GGT7: variants seen among roughly 807,000 people sequenced by gnomAD.
GGT7 encodes the protein gamma-glutamyltransferase 7, also known as glutathione hydrolase 7.
In GGT7, 30 loss-of-function variants were observed where a neutral mutation model predicts 69.2. That is an observed-to-expected ratio of 0.43 (90% CI 0.32 to 0.59). GGT7 has a LOEUF of 0.59. GGT7 is among the 20% of genes least tolerant of loss of function. The pLI is 0.05. For missense variants in GGT7, 733 were observed against 901.1 expected, an observed-to-expected ratio of 0.81 and a Z score of 2.39; for synonymous variants, 388 against 391.8, an observed-to-expected ratio of 0.99 and a Z score of 0.12.
intron 10 of GGT7, 61 bp from the exon 11 acceptor site, chr20:34,852,599 T>A (rs2079417533): frequency 3.4e-6 from 5 of 1,461,200 alleles, no homozygotes; most frequent in South Asian, 2.7e-5. Context: ...CCCACCTACC[T>A]CACTTTTGTG....
At position 34,863,699 on chromosome 20, in the gene GGT7, C is replaced by A. The variant is rs576195143; in HGVS notation, c.170-151G>T. ...ACTCACCTTTCCTCATTTTCGCGTG[C>A]ACCCCAGGACAGGCGGGGCAACGGT... is the stretch of plus-strand genomic sequence containing the variant. On this transcript the variant is annotated intron_variant, in intron 1 of 14. Coordinates refer to ENST00000336431, the MANE Select transcript of GGT7 (RefSeq NM_178026.3). This position sits in a 1 kb window ranked among gnomAD's most constrained non-coding sequence, Gnocchi z 4.4. 1.4e-6 allele frequency: 1 copy of A among 727,454 alleles called. No individual in the cohort carries two copies. Among genetic ancestry groups the A allele is most frequent in the Non-Finnish European group, 2.5e-6 (1 of 395,090 alleles). The allele number at this position is 727,454 out of a possible 1,614,324, so 45.1% of individuals were successfully genotyped here. A position where few individuals can be genotyped will look rare whatever the true frequency, so the allele number is the denominator to read the frequency against.
rs540100939 is a variant in GGT7 at position 34,861,495 on chromosome 20, C to A, written c.625G>T (p.Ala209Ser). 5 of 1,548,450 alleles carry A rather than the reference C, an allele frequency of 3.2e-6. No homozygotes were observed. Among genetic ancestry groups the A allele is most frequent in the Admixed American group, 3.6e-5 (2 of 56,014 alleles). The change falls in exon 4 of 15, where the codon GCA becomes TCA. Residue 209 changes from alanine to serine, a missense_variant. Ala to Ser is a moderately conservative substitution (Grantham distance 99, BLOSUM62 1). Transcript: ENST00000336431. Reference sequence around the variant, plus strand: ...GTCTCTTCCCTGAGGGCCCCTGGTGCGGACTCCCGGAAATCAATTAGGTGG... The same window carrying A: ...GTCTCTTCCCTGAGGGCCCCTGGTGAGGACTCCCGGAAATCAATTAGGTGG... The part of the protein sequence containing the change: ...ESHLIDFRES[A>S]PGALREETLQ...
At position 34,863,422 on chromosome 20, in the gene GGT7, T is replaced by TCGGCCGCTG; in HGVS notation, c.287_295dup (p.Ala96_Ala98dup). ...GAGCCCATCCTGGCGGCAGGAGCACTCGGCCGCTGCGGCGGAGAACGGGTC... is the reference window on the plus strand; with the variant it reads ...GAGCCCATCCTGGCGGCAGGAGCACTCGGCCGCTGCGGCCGCTGCGGCGGAGAACGGGTC... On this transcript the variant is annotated inframe_insertion, in exon 2 of 15. Coordinates refer to ENST00000336431, the MANE Select transcript of GGT7 (RefSeq NM_178026.3). The surrounding 1 kb of genome is among the most constrained non-coding windows in gnomAD (Gnocchi z 4.4). The TCGGCCGCTG allele has an allele frequency of 6.2e-7, 1 of 1,613,638 alleles. No individual in the cohort carries two copies. Among genetic ancestry groups the TCGGCCGCTG allele is most frequent in the Non-Finnish European group, 8.5e-7 (1 of 1,179,958 alleles).
chr20:34,848,396 A>G (rs1300680270), intron 14 of GGT7, among the ~76,000 whole-genome samples: 1 of 152,206 alleles, frequency 6.6e-6, no homozygotes, highest in Non-Finnish European at 1.5e-5. Flanking sequence ...CCTCAGGTAG[A>G]TGAACTTTCC....
intron 10 of GGT7, among the ~76,000 whole-genome samples, chr20:34,853,340 GGTGTGTGTGTGTGTGTGTGTGT>G (rs10527077): frequency 2.0e-4 from 30 of 147,428 alleles, no homozygotes; most frequent in African/African-American, 5.2e-4. Flanking sequence ...ATTTCATATA[GGTGTGTGTGTGTGTGTGTGTGT>G]GTGTGTGTGT....
chr20:34,856,877 C>G lies in GGT7; in HGVS notation c.1031G>C (p.Gly344Ala). 6.2e-7 allele frequency: 1 copy of G among 1,608,126 alleles called. No individual in the cohort carries two copies. Among genetic ancestry groups the G allele is most frequent in the Non-Finnish European group, 8.5e-7 (1 of 1,174,886 alleles). Residue 344 changes from glycine to alanine, a missense_variant, in exon 8 of 15, where the codon GGT becomes GCT. Gly to Ala is a moderately conservative substitution (Grantham distance 60). Coordinates refer to ENST00000336431, the MANE Select transcript of GGT7 (RefSeq NM_178026.3). Reference sequence around the variant, plus strand: ...GCTGAAGTCCTCTTCGGTTATGACACCCCCTGCGTGCTGAGCCTGGAGGGA... The same window carrying G: ...GCTGAAGTCCTCTTCGGTTATGACAGCCCCTGCGTGCTGAGCCTGGAGGGA... ...EMVAEAQHAG[G>A]VITEEDFSNY...
rs534191803 is a variant in GGT7, at chr20:34,846,869, C to A, written c.1826-1378G>T. On this transcript the variant is annotated intron_variant, in intron 14 of 14. Coordinates refer to ENST00000336431, the MANE Select transcript of GGT7 (RefSeq NM_178026.3). ...AGCCACATTGACCTCCTTGCTGTCCCTTTAGAAGGCCAAACATGTTTCTAC... is the reference window on the plus strand; with the variant it reads ...AGCCACATTGACCTCCTTGCTGTCCATTTAGAAGGCCAAACATGTTTCTAC... Among the ~76,000 whole-genome samples the A allele has an allele frequency of 2.0e-5, 3 of 152,226 alleles. No individual in the cohort carries two copies. In the South Asian group the frequency reaches 6.2e-4, roughly 32 times the overall value.
intron 1 of GGT7, among the ~76,000 whole-genome samples, chr20:34,871,504 G>A (rs1012643620): frequency 6.6e-6 from 1 of 152,118 alleles, no homozygotes; most frequent in Non-Finnish European, 1.5e-5. Flanking sequence ...GACATTTGAC[G>A]CCCATAAACC....
At chr20:34,850,746 A>C (rs2079375332) in intron 13 of GGT7, 3 of 444,118 alleles carry the variant, frequency 6.8e-6, no homozygotes, top group Middle Eastern at 7.0e-4. Flanking sequence ...GGAACCCAGG[A>C]GTGTCTGATT....
At chr20:34,858,803 T>C (rs1205450682) in intron 7 of GGT7, among the ~76,000 whole-genome samples, 1 of 152,154 alleles carries the variant, frequency 6.6e-6, no homozygotes. Context: ...CCACCAGGCC[T>C]GGGAGGGACA....
intron 1 of GGT7, among the ~76,000 whole-genome samples, chr20:34,864,815 C>T (rs1041822436): frequency 5.9e-5 from 9 of 151,596 alleles, no homozygotes; most frequent in Non-Finnish European, 7.4e-5. Context: ...GGTCACTACT[C>T]GAGAGGCTAT....
At position 34,854,893 on chromosome 20, in the gene GGT7, T is replaced by G. The variant is rs770676892; in HGVS notation, c.1133A>C (p.His378Pro). Reference sequence around the variant, plus strand: ...AGCACTGATGAGGGCAGGGCCCGTGTGCGGAGGTGGGGGACTAAGAACCAG... The same window carrying G: ...AGCACTGATGAGGGCAGGGCCCGTGGGCGGAGGTGGGGGACTAAGAACCAG... ...GHLVLSPPPP[H>P]TGPALISALN... Residue 378 changes from histidine (H) to proline (P), a missense_variant, in exon 9 of 15, where the codon CAC becomes CCC. Coordinates refer to ENST00000336431, the MANE Select transcript of GGT7 (RefSeq NM_178026.3). 6.2e-7 allele frequency: 1 copy of G among 1,613,878 alleles called. No individual in the cohort carries two copies. Among genetic ancestry groups the G allele is most frequent in the South Asian group, 1.1e-5 (1 of 91,066 alleles).
Position 34,863,671 on chromosome 20 carries a change from A to C in GGT7, c.170-123T>G, listed in dbSNP as rs2079640355. ...CCACACAATCCCCGCACTGGCTAGCACTACTCACCTTTCCTCATTTTCGCG... is the reference window on the plus strand; with the variant it reads ...CCACACAATCCCCGCACTGGCTAGCCCTACTCACCTTTCCTCATTTTCGCG... On this transcript the variant is annotated intron_variant, in intron 1 of 14. Transcript: ENST00000336431. The surrounding 1 kb of genome is among the most constrained non-coding windows in gnomAD (Gnocchi z 4.4). The C allele has an allele frequency of 2.7e-6, 2 of 753,038 alleles. No individual in the cohort carries two copies. Among genetic ancestry groups the C allele is most frequent in the East Asian group, 2.7e-5 (1 of 37,406 alleles). The allele number at this position is 753,038 out of a possible 1,614,324, so 46.6% of individuals were successfully genotyped here. A position where few individuals can be genotyped will look rare whatever the true frequency, so the allele number is the denominator to read the frequency against.
chr20:34,868,899 G>A (rs182725667), intron 1 of GGT7, among the ~76,000 whole-genome samples: 19 of 152,234 alleles, frequency 1.2e-4, no homozygotes, highest in African/African-American at 4.6e-4. Context: ...AGCAAAAGAT[G>A]GAGAAAAGTC....
intron 14 of GGT7, among the ~76,000 whole-genome samples, chr20:34,847,542 T>C (rs114122530): frequency 4.6e-5 from 7 of 152,278 alleles, no homozygotes; most frequent in African/African-American, 1.7e-4. Flanking sequence ...TAATCGAAAA[T>C]CTATTTCCTT....
At chr20:34,857,147 G>C (rs2079507007) in intron 7 of GGT7, among the ~76,000 whole-genome samples, 1 of 152,134 alleles carries the variant, frequency 6.6e-6, no homozygotes, top group African/African-American at 2.4e-5. Context: ...TCCTTAGCTT[G>C]CCATTCAAGA....
intron 1 of GGT7, among the ~76,000 whole-genome samples, chr20:34,870,663 G>A (rs1250049047): frequency 6.6e-6 from 1 of 151,750 alleles, no homozygotes; most frequent in Non-Finnish European, 1.5e-5. Flanking sequence ...GTAGAGATGG[G>A]GTTTTGTCAT....
intron 6 of GGT7, 103 bp downstream of exon 6, chr20:34,859,866 C>G: frequency 1.1e-6 from 1 of 921,000 alleles, no homozygotes; most frequent in South Asian, 1.5e-5. Context: ...GTCTGAGGAG[C>G]AAACTGGAAG....
intron 4 of GGT7, among the ~76,000 whole-genome samples, chr20:34,860,815 G>A (rs1225294924): frequency 1.3e-5 from 2 of 152,044 alleles, no homozygotes; most frequent in Non-Finnish European, 2.9e-5. Flanking sequence ...ATGTCACTCA[G>A]GCTGGTCTCA....
Sources: gnomAD v4.1 joint callset for allele counts (sites outside exome capture counted in the v4.1 genomes callset) on GRCh38, gnomAD v4.1.1 for gene constraint, Gnocchi (gnomAD v3.1) non-coding constraint, MANE v1.5 for transcripts, NCBI Gene and HGNC (gene_info 2026-07-23, HGNC 2026-07-21) for gene names.